The following RNF212B variants were observed in gnomAD, a reference collection of about 807,000 sequenced individuals.
RNF212B encodes ring finger protein 212B, also known as E3 ubiquitin-protein ligase RNF212B.
A neutral mutation model predicts 55.5 loss-of-function variants in RNF212B; 52 were observed. That is an observed-to-expected ratio of 0.94 (90% CI 0.75 to 1.18). The LOEUF (loss-of-function observed/expected upper bound fraction) is 1.18, where lower values mean the gene tolerates loss of function less well. Among genes scored for constraint, RNF212B ranks in the 50% most tolerant of loss-of-function variants. The pLI is 0.00. For missense variants in RNF212B, 289 were observed against 350.4 expected (o/e 0.82, Z 1.40); for synonymous variants, 99 against 121.4 (o/e 0.82, Z 1.21).
intron 1 of RNF212B, 145 bp from the exon 2 acceptor site, chr14:23,240,200 T>C (rs1177716738): frequency 3.3e-6 from 2 of 601,106 alleles, no homozygotes; most frequent in Admixed American, 3.0e-5. Flanking sequence ...TATACTTCTT[T>C]ACAACCAATT....
intron 1 of RNF212B, among the ~76,000 whole-genome samples, chr14:23,187,207 T>TA (rs1244563104): frequency 1.3e-5 from 2 of 152,212 alleles, no homozygotes; most frequent in Non-Finnish European, 2.9e-5. Context: ...GCCGTTTTCT[T>TA]ACAAATATGG....
chr14:23,260,720 C>T (rs1451418148), intron 7 of RNF212B, 33 bp downstream of exon 7: 6 of 1,546,008 alleles, frequency 3.9e-6, no homozygotes, highest in Admixed American at 3.9e-5. Context: ...CTAGCCCAGC[C>T]CCCTGAAAAT....
At chr14:23,232,565 G>A (rs1051128550) in intron 2 of RNF212B, among the ~76,000 whole-genome samples, 5 of 150,300 alleles carry the variant, frequency 3.3e-5, no homozygotes, top group Non-Finnish European at 4.5e-5. Flanking sequence ...GTCAGCCCCC[G>A]CCCAGCAGCC....
At chr14:23,216,201 G>A (rs538442234) in intron 2 of RNF212B, among the ~76,000 whole-genome samples, 81 of 152,198 alleles carry the variant, frequency 5.3e-4, no homozygotes, top group Non-Finnish European at 9.4e-4. Flanking sequence ...AGTCAAGATC[G>A]TGCCACTGCA....
chr14:23,263,396 C>T (rs906182371), intron 9 of RNF212B, among the ~76,000 whole-genome samples: 2 of 152,160 alleles, frequency 1.3e-5, no homozygotes, highest in Non-Finnish European at 2.9e-5. Context: ...TGAAGATCCA[C>T]AATCTAGAAA....
chr14:23,212,269 G>A (rs764367355), intron 2 of RNF212B, among the ~76,000 whole-genome samples: 1 of 152,186 alleles, frequency 6.6e-6, no homozygotes, highest in Non-Finnish European at 1.5e-5. Context: ...TTATGCCGAT[G>A]GCTATGGCCA....
chr14:23,245,850 A>G lies in RNF212B; in HGVS notation c.228+1454A>G, dbSNP rs183051930. Among the ~76,000 whole-genome samples the G allele has an allele frequency of 7.2e-5, 11 of 152,246 alleles. No individual in the cohort carries two copies. The East Asian group carries it at 1.9e-3, about 27-fold the overall frequency. Reference sequence around the variant, plus strand: ...TGGAATATAAGCTCCATGAAAACAGATTTGGTTGGTTTTGCTTATTGTTCT... The same window carrying G: ...TGGAATATAAGCTCCATGAAAACAGGTTTGGTTGGTTTTGCTTATTGTTCT... On this transcript the variant is annotated intron_variant, in intron 4 of 14. Transcript: ENST00000430154.
At chr14:23,252,737 T>G (rs1884508705) in intron 4 of RNF212B, among the ~76,000 whole-genome samples, 1 of 152,182 alleles carries the variant, frequency 6.6e-6, no homozygotes. Context: ...AGTTCCTCTG[T>G]GGGGGTCTTT....
At chr14:23,190,824 G>C (rs765461682) in intron 1 of RNF212B, among the ~76,000 whole-genome samples, 1 of 152,184 alleles carries the variant, frequency 6.6e-6, no homozygotes, top group African/African-American at 2.4e-5. Flanking sequence ...GGAGGTCCTG[G>C]TGGCCACTTG....
rs113181269 is a variant in RNF212B, at chr14:23,195,974, C to T, written c.-2+2573C>T. ...ACTGCATTTGCTCTTTTCACTGTGCCACGGGAGAAAAAAGGTACAACATTC... is the reference window on the plus strand; with the variant it reads ...ACTGCATTTGCTCTTTTCACTGTGCTACGGGAGAAAAAAGGTACAACATTC... On this transcript the variant is annotated intron_variant, in intron 2 of 15. Transcript: ENST00000399910. 7.1e-3 allele frequency among the ~76,000 whole-genome samples: 1,087 copies of T among 152,126 alleles called. 5 individuals are homozygous for T. Among genetic ancestry groups the T allele is most frequent in the Non-Finnish European group, 0.013 (905 of 67,986 alleles).
At chr14:23,243,343 T>C in intron 3 of RNF212B, 35 bp downstream of exon 3, 3 of 1,508,518 alleles carry the variant, frequency 2.0e-6, no homozygotes, top group Non-Finnish European at 2.7e-6. Flanking sequence ...AACTGTCTCA[T>C]CCCATTCCTG....
intron 1 of RNF212B, among the ~76,000 whole-genome samples, chr14:23,188,894 A>C (rs775630653): frequency 3.9e-5 from 6 of 152,224 alleles, no homozygotes; most frequent in Non-Finnish European, 8.8e-5. Flanking sequence ...GAATGAATTA[A>C]TGTATAAATA....
intron 2 of RNF212B, among the ~76,000 whole-genome samples, chr14:23,197,152 A>G (rs1439196112): frequency 2.0e-5 from 3 of 152,208 alleles, no homozygotes; most frequent in Admixed American, 1.3e-4. Context: ...CCCAGGAGAA[A>G]GATTTGGGCT....
intron 2 of RNF212B, among the ~76,000 whole-genome samples, chr14:23,211,996 G>A (rs1880568334): frequency 6.6e-6 from 1 of 152,084 alleles, no homozygotes; most frequent in Admixed American, 6.6e-5. Context: ...CCAAAGTGCT[G>A]GGATTACAGG....
chr14:23,264,316 A>T (rs373134150), intron 10 of RNF212B, 82 bp downstream of exon 10: 80 of 1,209,216 alleles, frequency 6.6e-5, no homozygotes, highest in South Asian at 4.8e-4. Flanking sequence ...ACTTAAATTT[A>T]TATTGGTTTT....
chr14:23,256,594 A>G (rs1038535658), intron 4 of RNF212B, among the ~76,000 whole-genome samples: 21 of 151,984 alleles, frequency 1.4e-4, no homozygotes, highest in Admixed American at 5.2e-4. Context: ...CTGGTCTCGA[A>G]CTCCTGACCT....
Position 23,227,535 on chromosome 14 carries a change from ATCAATATACATTGAATATACATTAAATG to A in RNF212B, c.-1-12782_-1-12755del, listed in dbSNP as rs553883087. On this transcript the variant is annotated intron_variant, in intron 2 of 15. Transcript: ENST00000399910. The stretch of plus-strand genomic sequence containing the variant: ...GCATACTTCTGTATGTATATTATAC[ATCAATATACATTGAATATACATTAAATG>A]TCAATATACATTGAATATACATTAA... 6.3e-3 allele frequency among the ~76,000 whole-genome samples: 959 copies of A among 152,314 alleles called. 9 individuals are homozygous for A. The highest frequency in any genetic ancestry group is 0.022 in the African/African-American group (904 of 41,558).
At position 23,240,377 on chromosome 14, in the gene RNF212B, G is replaced by T; in HGVS notation, c.32G>T (p.Arg11Leu). The T allele has an allele frequency of 6.5e-7, 1 of 1,550,332 alleles. No homozygotes were observed. The highest frequency in any genetic ancestry group is 8.7e-7 in the Non-Finnish European group (1 of 1,146,876). MDWFHCNQCF[R>L]KDGAHFFVTS... ...TGGTTTCATTGCAACCAGTGCTTCC[G>T]AAAAGATGGGGCCCATTTCTTTGTC... The change falls in exon 2 of 15, where the codon CGA becomes CTA. Residue 11 changes from arginine (R) to leucine (L), a missense_variant. Coordinates refer to ENST00000430154, the MANE Select transcript of RNF212B (RefSeq NM_001282322.3).
At chr14:23,209,557 T>A (rs1880270167) in intron 2 of RNF212B, among the ~76,000 whole-genome samples, 1 of 152,190 alleles carries the variant, frequency 6.6e-6, no homozygotes, top group Admixed American at 6.5e-5. Flanking sequence ...ACTAAAAGAC[T>A]AAATGGTGGA....
Sources: gnomAD v4.1 joint callset for allele counts (sites outside exome capture counted in the v4.1 genomes callset) on GRCh38, gnomAD v4.1.1 for gene constraint, MANE v1.5 for transcripts, NCBI Gene and HGNC (gene_info 2026-07-23, HGNC 2026-07-21) for gene names.